Variants in ZHX3 observed in about 807,000 individuals in gnomAD.
ZHX3 encodes the protein zinc fingers and homeoboxes protein 3.
ZHX3 carries 20 observed loss-of-function variants against 64.5 expected under a neutral mutation model. That is an observed-to-expected ratio of 0.31 (90% CI 0.22 to 0.45). The LOEUF is 0.45. Among genes scored for constraint, ZHX3 ranks in the 20% least tolerant of loss-of-function variants. The pLI is 1.00. For missense variants in ZHX3, 1,041 were observed against 1,195.8 expected (o/e 0.87, Z 1.91); for synonymous variants, 423 against 461.6 (o/e 0.92, Z 1.07).
intron 1 of ZHX3, among the ~76,000 whole-genome samples, chr20:41,274,832 G>A (rs1445987166): frequency 6.6e-6 from 1 of 152,100 alleles, no homozygotes; most frequent in African/African-American, 2.4e-5. Flanking sequence ...CATAGTCCAA[G>A]GTGATCCAGC....
intron 2 of ZHX3, among the ~76,000 whole-genome samples, chr20:41,247,393 G>A (rs559389428): frequency 9.8e-5 from 15 of 152,312 alleles, no homozygotes; most frequent in South Asian, 2.1e-4. Flanking sequence ...ACTTCCTAGT[G>A]TAGGTCATTT....
At chr20:41,217,983 G>GTGTTT (rs984632419) in intron 2 of ZHX3, among the ~76,000 whole-genome samples, 2 of 152,130 alleles carry the variant, frequency 1.3e-5, no homozygotes, top group Non-Finnish European at 2.9e-5. Context: ...AACTATTCTA[G>GTGTTT]TGTTTTGTTT....
Position 41,203,196 on chromosome 20 carries a change from A to T in ZHX3, c.1721T>A (p.Val574Glu). ...SSIIIDSVPEVSFSPSSKVPE... is the reference protein window; with the variant it reads ...SSIIIDSVPEESFSPSSKVPE... ...GACCTTGGACGATGGGGAGAAGGAC[A>T]CCTCTGGCACAGAGTCAATGATGAT... Residue 574 changes from valine to glutamate, a missense_variant, in exon 3 of 4, where the codon GTG becomes GAG. Val to Glu is a moderately radical substitution (Grantham distance 121, BLOSUM62 -2). This residue lies in a region of ZHX3 where 649 missense variants were observed against 739.8 expected (regional missense o/e 0.88). Transcript: ENST00000683867. The surrounding 1 kb of genome is among the most constrained non-coding windows in gnomAD (Gnocchi z 7.1). 6.2e-7 allele frequency: 1 copy of T among 1,614,010 alleles called. No homozygotes were observed. The highest frequency in any genetic ancestry group is 1.7e-5 in the Admixed American group (1 of 60,006).
intron 2 of ZHX3, among the ~76,000 whole-genome samples, chr20:41,223,864 G>A (rs1329334196): frequency 6.6e-6 from 1 of 152,220 alleles, no homozygotes; most frequent in Admixed American, 6.5e-5. Flanking sequence ...TACAGAGTAT[G>A]TAACTGGGTC....
At chr20:41,244,208 A>G (rs1035131831) in intron 2 of ZHX3, among the ~76,000 whole-genome samples, 5 of 152,124 alleles carry the variant, frequency 3.3e-5, no homozygotes, top group African/African-American at 1.2e-4. Flanking sequence ...CCTAGTTGAG[A>G]ACCAGTGCCT....
At chr20:41,287,776 TGA>T (rs1186144978) in intron 1 of ZHX3, among the ~76,000 whole-genome samples, 7 of 152,208 alleles carry the variant, frequency 4.6e-5, no homozygotes, top group Non-Finnish European at 1.5e-5. Flanking sequence ...TGCAATCTCA[TGA>T]GAGACTGTGA....
At chr20:41,281,838 G>A (rs1355381332) in intron 1 of ZHX3, among the ~76,000 whole-genome samples, 1 of 152,194 alleles carries the variant, frequency 6.6e-6, no homozygotes, top group African/African-American at 2.4e-5. Context: ...TAACATAATT[G>A]ACTTATGTTT....
intron 1 of ZHX3, among the ~76,000 whole-genome samples, chr20:41,271,548 A>C (rs986113926): frequency 6.6e-6 from 1 of 152,206 alleles, no homozygotes; most frequent in Non-Finnish European, 1.5e-5. Context: ...ATTTTGGATC[A>C]TAAGAGGAAG....
chr20:41,198,015 T>C (rs1479451519), intron 3 of ZHX3, among the ~76,000 whole-genome samples: 1 of 148,490 alleles, frequency 6.7e-6, no homozygotes, highest in South Asian at 2.2e-4. Context: ...TTTTTTTTTT[T>C]TTTTTGTGAT....
chr20:41,309,031 G>A (rs2045056805), intron 1 of ZHX3, among the ~76,000 whole-genome samples: 1 of 151,606 alleles, frequency 6.6e-6, no homozygotes, highest in Non-Finnish European at 1.5e-5. Context: ...ATAATCAGTT[G>A]ATGTATTCAG....
intron 2 of ZHX3, among the ~76,000 whole-genome samples, chr20:41,254,948 G>A (rs935775574): frequency 2.6e-5 from 4 of 152,024 alleles, no homozygotes; most frequent in Non-Finnish European, 4.4e-5. Context: ...GATACCCGAG[G>A]GAGACTGATA....
chr20:41,257,188 A>T (rs1424343822), intron 2 of ZHX3, among the ~76,000 whole-genome samples: 1 of 152,336 alleles, frequency 6.6e-6, no homozygotes, highest in Middle Eastern at 3.4e-3. Flanking sequence ...CCTCAGCAGC[A>T]AACACTGAGG....
chr20:41,249,238 TA>T lies in ZHX3; in HGVS notation c.-151+19751del, dbSNP rs3091740. Among the ~76,000 whole-genome samples the T allele has an allele frequency of 4.5e-3, 659 of 147,356 alleles. 6 individuals carry two copies. The highest frequency in any genetic ancestry group is 0.012 in the African/African-American group (475 of 40,246). On this transcript the variant is annotated intron_variant, in intron 2 of 3. Coordinates refer to ENST00000683867, the MANE Select transcript of ZHX3 (RefSeq NM_001384317.1). ...CAGCCCTGAAACAGAATTGTTCACA[TA>T]AAAAAAAAAATCTCATAGTTAAGTC...
In ZHX3 at chr20:41,185,150, T is replaced by C. The variant is rs890896119; in HGVS notation, c.*41A>G. On this transcript the variant is annotated 3_prime_UTR_variant, in exon 4 of 4. Transcript: ENST00000683867. This position sits in a 1 kb window ranked among gnomAD's most constrained non-coding sequence, Gnocchi z 5.0. The stretch of plus-strand genomic sequence containing the variant: ...TTTGGCTCTTCCACGTGGCAGGCGG[T>C]TTCCCAGACTGGCCAGTCCTTCACA... 6.3e-7 allele frequency: 1 copy of C among 1,597,984 alleles called. No individual in the cohort carries two copies. Among genetic ancestry groups the C allele is most frequent in the African/African-American group, 1.3e-5 (1 of 74,698 alleles).
chr20:41,313,492 A>G (rs144344957), intron 1 of ZHX3, among the ~76,000 whole-genome samples: 337 of 152,246 alleles, frequency 2.2e-3, no homozygotes, highest in African/African-American at 7.6e-3. Context: ...AAAACTGAAC[A>G]TGGTAACACA....
chr20:41,296,875 A>G (rs916578221), intron 1 of ZHX3, among the ~76,000 whole-genome samples: 1 of 152,192 alleles, frequency 6.6e-6, no homozygotes, highest in Non-Finnish European at 1.5e-5. Flanking sequence ...GCCTCTTGAC[A>G]CTTGATAATG....
chr20:41,297,816 T>TG (rs1457094927), intron 1 of ZHX3, among the ~76,000 whole-genome samples: 4 of 152,196 alleles, frequency 2.6e-5, no homozygotes, highest in Non-Finnish European at 4.4e-5. Flanking sequence ...GCTGTCCAGG[T>TG]GTCCAAAGGC....
chr20:41,188,405 C>A (rs1490448757), intron 3 of ZHX3: 1 of 139,620 alleles, frequency 7.2e-6, no homozygotes, highest in Non-Finnish European at 1.5e-5. Flanking sequence ...CACCCACCCC[C>A]ACCTTTTTTT....
chr20:41,311,427 C>G (rs150123294), intron 1 of ZHX3, among the ~76,000 whole-genome samples: 3 of 152,150 alleles, frequency 2.0e-5, no homozygotes, highest in Non-Finnish European at 4.4e-5. Flanking sequence ...GAACACAGAG[C>G]CTGAAAGCAA....
Sources: gnomAD v4.1 joint callset for allele counts (sites outside exome capture counted in the v4.1 genomes callset) on GRCh38, gnomAD v4.1.1 for gene constraint, gnomAD v4.1.1 regional missense constraint, Gnocchi (gnomAD v3.1) non-coding constraint, MANE v1.5 for transcripts, NCBI Gene and HGNC (gene_info 2026-07-23, HGNC 2026-07-21) for gene names.